Variants in TTC28 observed in about 807,000 individuals in gnomAD.
The protein encoded by TTC28 is tetratricopeptide repeat domain 28.
In TTC28, 61 loss-of-function variants were observed where a neutral mutation model predicts 198.0. That is an observed-to-expected ratio of 0.31 (90% CI 0.25 to 0.38). TTC28 has a LOEUF of 0.38. Ranked by LOEUF, TTC28 falls within the 10% of genes least tolerant of loss-of-function variation. The probability of loss-of-function intolerance (pLI) is 1.00; values close to 1 mark genes in which losing one functional copy is unlikely to be tolerated. For synonymous variants in TTC28, 1,171 were observed against 1,297.8 expected, an observed-to-expected ratio of 0.90 and a Z score of 2.10; for missense variants, 2,678 against 3,164.0, an observed-to-expected ratio of 0.85 and a Z score of 3.69.
chr22:28,351,007 C>A (rs1000738264), intron 2 of TTC28, among the ~76,000 whole-genome samples: 3 of 151,930 alleles, frequency 2.0e-5, no homozygotes, highest in Non-Finnish European at 2.9e-5. Flanking sequence ...ACGGTGAAAC[C>A]CTGTCTCTAC....
At position 28,107,369 on chromosome 22, in the gene TTC28, T is replaced by C; in HGVS notation, c.2476A>G (p.Lys826Glu). The C allele has an allele frequency of 6.4e-7, 1 of 1,551,920 alleles. No homozygotes were observed. The highest frequency in any genetic ancestry group is 1.2e-5 in the South Asian group (1 of 84,056). ...GCTTCCAGACTCGGATCCTTCAGCTTTTGCCCTAGATCCAGTTGCTCTTCA... is the reference window on the plus strand; with the variant it reads ...GCTTCCAGACTCGGATCCTTCAGCTCTTGCCCTAGATCCAGTTGCTCTTCA... Reference protein sequence around the residue: ...CYEEQLDLGQKLKDPSLEAQV... With the variant: ...CYEEQLDLGQELKDPSLEAQV... Residue 826 changes from lysine to glutamate, a missense_variant, in exon 7 of 23, where the codon AAG becomes GAG. Coordinates refer to ENST00000397906, the MANE Select transcript of TTC28 (RefSeq NM_001145418.2).
chr22:28,203,293 A>G (rs1926127260), intron 5 of TTC28, among the ~76,000 whole-genome samples: 2 of 152,258 alleles, frequency 1.3e-5, no homozygotes, highest in Admixed American at 1.3e-4. Context: ...TTGCAAGGCT[A>G]TTGAGAAGTA....
At chr22:28,194,320 A>T (rs1201403156) in intron 5 of TTC28, among the ~76,000 whole-genome samples, 2 of 152,222 alleles carry the variant, frequency 1.3e-5, no homozygotes, top group Non-Finnish European at 2.9e-5. Flanking sequence ...AATGCCCACA[A>T]GAGAAAGCAG....
chr22:28,162,113 C>A (rs936889446), intron 6 of TTC28, among the ~76,000 whole-genome samples: 1 of 152,114 alleles, frequency 6.6e-6, no homozygotes, highest in Non-Finnish European at 1.5e-5. Context: ...ATTATGTACC[C>A]ACATCTGTTT....
intron 12 of TTC28, among the ~76,000 whole-genome samples, chr22:28,060,413 A>G (rs1307878029): frequency 2.0e-5 from 3 of 152,220 alleles, no homozygotes; most frequent in East Asian, 3.8e-4. Flanking sequence ...ATGTCTCTAC[A>G]AAGGACATGA....
intron 2 of TTC28, among the ~76,000 whole-genome samples, chr22:28,409,663 C>CTT (rs752670702): frequency 1.4e-5 from 2 of 140,026 alleles, no homozygotes; most frequent in Non-Finnish European, 3.1e-5. Flanking sequence ...TTTTCTTTTT[C>CTT]TTTTTTTTTT....
At chr22:27,987,374 G>A (rs945594017) in intron 21 of TTC28, among the ~76,000 whole-genome samples, 1 of 152,154 alleles carries the variant, frequency 6.6e-6, no homozygotes, top group African/African-American at 2.4e-5. Context: ...AGGAAGCCTG[G>A]CTCCACCACC....
intron 1 of TTC28, among the ~76,000 whole-genome samples, chr22:28,635,410 T>C (rs2051253744): frequency 6.6e-6 from 1 of 152,172 alleles, no homozygotes; most frequent in Non-Finnish European, 1.5e-5. Context: ...TTTACTTAGA[T>C]TAACCATTAT....
chr22:28,240,733 A>G (rs1376438607), intron 5 of TTC28, among the ~76,000 whole-genome samples: 2 of 152,154 alleles, frequency 1.3e-5, no homozygotes, highest in African/African-American at 4.8e-5. Context: ...AAGGCAAACC[A>G]TAAGGCCGGA....
intron 2 of TTC28, among the ~76,000 whole-genome samples, chr22:28,367,027 C>A (rs183686242): frequency 1.6e-4 from 25 of 152,144 alleles, no homozygotes; most frequent in Admixed American, 6.5e-4. Flanking sequence ...GTGGACAGAT[C>A]TCCCAGACAA....
intron 2 of TTC28, among the ~76,000 whole-genome samples, chr22:28,420,100 AC>A (rs2047225161): frequency 6.6e-6 from 1 of 152,138 alleles, no homozygotes; most frequent in Non-Finnish European, 1.5e-5. Context: ...CCTTGTCATC[AC>A]CCCAGATGAC....
chr22:28,293,442 G>T (rs948910256), intron 5 of TTC28, among the ~76,000 whole-genome samples: 1 of 152,074 alleles, frequency 6.6e-6, no homozygotes, highest in Admixed American at 6.6e-5. Context: ...AGCAGAGCAT[G>T]GACAGAATGG....
rs2048997917 is a variant in TTC28, at chr22:28,526,038, T to C, written c.381+103514A>G. Among the ~76,000 whole-genome samples, 3 of 152,218 alleles carry C rather than the reference T, an allele frequency of 2.0e-5. No individual in the cohort carries two copies. The South Asian group carries it at 6.2e-4, about 32-fold the overall frequency. ...GAACAAGTCAAAACAATTATAGTAA[T>C]GCTATCAACAAAGTTGTGCTTAGTA... On this transcript the variant is annotated intron_variant, in intron 2 of 22. Transcript: ENST00000397906.
At chr22:28,339,241 T>C (rs2045787060) in intron 2 of TTC28, among the ~76,000 whole-genome samples, 3 of 152,132 alleles carry the variant, frequency 2.0e-5, no homozygotes, top group Non-Finnish European at 4.4e-5. Context: ...TCCCTGATCG[T>C]TCCTCAGGAA....
chr22:28,087,871 GACAA>G (rs1274601500), intron 12 of TTC28, among the ~76,000 whole-genome samples: 3 of 152,098 alleles, frequency 2.0e-5, no homozygotes, highest in Admixed American at 1.3e-4. Flanking sequence ...ACCAATAACA[GACAA>G]ACAGAGAGCC....
intron 14 of TTC28, among the ~76,000 whole-genome samples, chr22:28,012,731 C>T (rs1938210245): frequency 6.6e-6 from 1 of 152,136 alleles, no homozygotes; most frequent in African/African-American, 2.4e-5. Flanking sequence ...AGGCTAGTCT[C>T]GAACTCCTGG....
chr22:28,588,149 AAAACAAAC>A (rs1555897830), intron 2 of TTC28, among the ~76,000 whole-genome samples: 1 of 151,426 alleles, frequency 6.6e-6, no homozygotes, highest in Non-Finnish European at 1.5e-5. Context: ...CTCAAAAAAA[AAAACAAAC>A]AAACAAACAA....
In TTC28 at chr22:28,105,627, C is replaced by A. The variant is rs775939739; in HGVS notation, c.2959G>T (p.Ala987Ser). 1.1e-4 allele frequency: 163 copies of A among 1,551,942 alleles called. No homozygotes were observed. Among genetic ancestry groups the A allele is most frequent in the Non-Finnish European group, 1.4e-4 (161 of 1,147,090 alleles). The change falls in exon 8 of 23, where the codon GCT becomes TCT. Residue 987 changes from alanine (A) to serine (S), a missense_variant. By Grantham distance (99) the Ala-to-Ser change is moderately conservative. Around this residue, in one of 8 missense-constraint regions of TTC28, gnomAD observed 727 missense variants for 861.9 expected, o/e 0.84. Transcript: ENST00000397906. Reference protein sequence around the residue: ...ISCLERQLNIARDMKDRALES... With the variant: ...ISCLERQLNISRDMKDRALES... Reference sequence around the variant, plus strand: ...AGGGCTCGGTCTTTCATATCTCTAGCAATGTTCAGCTGGCGTTCAAGGCAG... The same window carrying A: ...AGGGCTCGGTCTTTCATATCTCTAGAAATGTTCAGCTGGCGTTCAAGGCAG...
chr22:28,252,745 C>T (rs1954214780), intron 5 of TTC28, among the ~76,000 whole-genome samples: 1 of 152,116 alleles, frequency 6.6e-6, no homozygotes, highest in Admixed American at 6.6e-5. Context: ...GTTAGCTCAC[C>T]CAGCAAGCCC....
Sources: allele counts gnomAD v4.1 joint callset (sites outside exome capture counted in the v4.1 genomes callset), GRCh38; gene constraint gnomAD v4.1.1; regional missense constraint gnomAD v4.1.1; transcripts MANE v1.5; gene names NCBI Gene and HGNC (gene_info 2026-07-23, HGNC 2026-07-21).